The following C16orf90 variants were observed in gnomAD, a reference collection of about 807,000 sequenced individuals.
The protein encoded by C16orf90 is uncharacterized protein C16orf90.
Under a neutral mutation model 17.1 loss-of-function variants are expected in C16orf90, and 17 were observed. The ratio of observed to expected loss-of-function variants is 1.00; its 90% confidence interval spans 0.68 to 1.49. The LOEUF (loss-of-function observed/expected upper bound fraction) is 1.49, where lower values mean the gene tolerates loss of function less well. C16orf90 is among the 40% of genes most tolerant of loss of function. C16orf90 has a pLI of 0.00. For synonymous variants in C16orf90, 108 were observed against 95.8 expected, an observed-to-expected ratio of 1.13 and a Z score of -0.75; for missense variants, 255 against 235.5, an observed-to-expected ratio of 1.08 and a Z score of -0.54.
upstream of C16orf90, chr16:3,496,375 C>G (rs1261351837): frequency 3.3e-6 from 4 of 1,204,462 alleles, no homozygotes; most frequent in Non-Finnish European, 4.8e-6. Flanking sequence ...GTCGCACCAA[C>G]CGGCCACCTC....
chr16:3,495,020 T>C (rs1203990823), intron 1 of C16orf90, 143 bp from the exon 2 acceptor site: 4 of 672,826 alleles, frequency 5.9e-6, no homozygotes, highest in Non-Finnish European at 7.4e-6. Flanking sequence ...GTGTGTCAAA[T>C]AGTCTCAGTC....
rs781040809 is a variant in C16orf90 at position 3,493,795 on chromosome 16, G to A, written c.*44C>T. 32 of 1,543,178 alleles carry A rather than the reference G, an allele frequency of 2.1e-5. No homozygotes were observed. The highest frequency in any genetic ancestry group is 4.1e-5 in the African/African-American group (3 of 73,086). On this transcript the variant is annotated 3_prime_UTR_variant, in exon 3 of 3. Coordinates refer to ENST00000437192, the MANE Select transcript of C16orf90 (RefSeq NM_001080524.2). ...CCCCTCCTGCTCAGGCTGCCTCCTCGGCCATCCTGCCCCTCCTGTACCCAG... is the reference window on the plus strand; with the variant it reads ...CCCCTCCTGCTCAGGCTGCCTCCTCAGCCATCCTGCCCCTCCTGTACCCAG...
rs934020280 is a variant in C16orf90, at chr16:3,493,772, C to T, written c.*67G>A. The stretch of plus-strand genomic sequence containing the variant: ...CAGGGCCACTGCCGGGGGCCGAGCC[C>T]CTCCTGCTCAGGCTGCCTCCTCGGC... On this transcript the variant is annotated 3_prime_UTR_variant, in exon 3 of 3. Coordinates refer to ENST00000437192, the MANE Select transcript of C16orf90 (RefSeq NM_001080524.2). The T allele has an allele frequency of 1.3e-6, 2 of 1,497,002 alleles. No individual in the cohort carries two copies. The highest frequency in any genetic ancestry group is 2.8e-5 in the African/African-American group (2 of 71,958). 92.7% of individuals were successfully genotyped at this position (1,497,002 alleles called of 1,614,324 possible).
At position 3,493,959 on chromosome 16, in the gene C16orf90, C is replaced by G; in HGVS notation, c.429G>C (p.Lys143Asn). ...AAGGACTAGGCTGGGGGAGGGCACC[C>G]TTGTCTGGGTCCATGCTGGAACTGG... ...SASSSSMDPD[K>N]GALPQPSPSR... Residue 143 changes from lysine to asparagine, a missense_variant, in exon 3 of 3, where the codon AAG becomes AAC. Physicochemically the swap from Lys to Asn is moderately conservative, Grantham distance 94. Coordinates refer to ENST00000437192, the MANE Select transcript of C16orf90 (RefSeq NM_001080524.2). 1.2e-6 allele frequency: 2 copies of G among 1,610,316 alleles called. No homozygotes were observed. Among genetic ancestry groups the G allele is most frequent in the East Asian group, 2.2e-5 (1 of 44,788 alleles).
At chr16:3,495,233 C>T in intron 1 of C16orf90, 143 bp downstream of exon 1, 2 of 957,190 alleles carry the variant, frequency 2.1e-6, no homozygotes, top group Non-Finnish European at 3.2e-6. Flanking sequence ...GAGAAAGTGG[C>T]CAGCCCAGGG....
intron 1 of C16orf90, 100 bp from the exon 2 acceptor site, chr16:3,494,977 T>C (rs1371596535): frequency 8.6e-6 from 8 of 930,990 alleles, no homozygotes; most frequent in Non-Finnish European, 1.3e-5. Flanking sequence ...CATGATGGGC[T>C]ACACCCCCAG....
upstream of C16orf90, chr16:3,496,059 T>G: frequency 3.1e-6 from 1 of 323,860 alleles, no homozygotes; most frequent in South Asian, 2.6e-5. Flanking sequence ...GAGAATGGCG[T>G]GAACCCGGGA....
upstream of C16orf90, chr16:3,496,231 C>T (rs941221196): frequency 1.6e-6 from 1 of 619,980 alleles, no homozygotes; most frequent in African/African-American, 1.8e-5. Context: ...CAAGAAGGAC[C>T]TAAAGGTTCG....
intron 1 of C16orf90, 73 bp downstream of exon 1, chr16:3,495,303 C>A: frequency 6.6e-7 from 1 of 1,524,414 alleles, no homozygotes; most frequent in South Asian, 1.2e-5. Context: ...CCTGAGGCCA[C>A]CCCTCGGCTT....
upstream of C16orf90, chr16:3,496,219 C>T (rs1379730460): frequency 1.7e-6 from 1 of 597,172 alleles, no homozygotes; most frequent in Non-Finnish European, 3.3e-6. Flanking sequence ...TGACGTCCGC[C>T]ACAAGAAGGA....
Position 3,494,001 on chromosome 16 carries a change from A to C in C16orf90, c.401-14T>G, listed in dbSNP as rs1157887410. ...TGGAACTGGAAGCTGAGGAAAGAGGAGAGAAAGGAGTCACTTGAGGGACCC... is the reference window on the plus strand; with the variant it reads ...TGGAACTGGAAGCTGAGGAAAGAGGCGAGAAAGGAGTCACTTGAGGGACCC... On this transcript the variant is annotated splice_polypyrimidine_tract_variant and intron_variant, in intron 2 of 2. Transcript: ENST00000437192. The C allele has an allele frequency of 1.9e-6, 3 of 1,598,800 alleles. No individual in the cohort carries two copies. In the African/African-American group the frequency reaches 4.0e-5, roughly 21 times the overall value.
chr16:3,496,119 C>T (rs2037305391), upstream of C16orf90: 2 of 377,096 alleles, frequency 5.3e-6, no homozygotes, highest in East Asian at 1.4e-4. Context: ...CCAGCCTGGG[C>T]TGCAGAGCGA....
chr16:3,495,483 C>G lies in C16orf90; in HGVS notation c.-62G>C. 1 of 1,582,772 alleles carries G rather than the reference C, an allele frequency of 6.3e-7. No homozygotes were observed. Among genetic ancestry groups the G allele is most frequent in the Non-Finnish European group, 8.6e-7 (1 of 1,163,212 alleles). On this transcript the variant is annotated 5_prime_UTR_variant, in exon 1 of 3. Coordinates refer to ENST00000437192, the MANE Select transcript of C16orf90 (RefSeq NM_001080524.2). The stretch of plus-strand genomic sequence containing the variant: ...TGGGTGCAGCAGGGCCCTGCTCTCC[C>G]CTGCCTAGGGGGTACATTGGCAGGT...
At position 3,493,776 on chromosome 16, in the gene C16orf90, C is replaced by A; in HGVS notation, c.*63G>T. 6.6e-7 allele frequency: 1 copy of A among 1,510,166 alleles called. No individual in the cohort carries two copies. Among genetic ancestry groups the A allele is most frequent in the Non-Finnish European group, 8.9e-7 (1 of 1,119,340 alleles). 93.5% of individuals were successfully genotyped at this position (1,510,166 alleles called of 1,614,324 possible). ...GCCACTGCCGGGGGCCGAGCCCCTC[C>A]TGCTCAGGCTGCCTCCTCGGCCATC... On this transcript the variant is annotated 3_prime_UTR_variant, in exon 3 of 3. Coordinates refer to ENST00000437192, the MANE Select transcript of C16orf90 (RefSeq NM_001080524.2).
At chr16:3,496,563 T>G, upstream of C16orf90, 1 of 543,576 alleles carries the variant, frequency 1.8e-6, no homozygotes, top group East Asian at 4.9e-5. Flanking sequence ...GGGGCCAAGA[T>G]CCTGACTTTC....
chr16:3,494,875 C>T lies in C16orf90; in HGVS notation c.49G>A (p.Ala17Thr). 1 of 1,514,962 alleles carries T rather than the reference C, an allele frequency of 6.6e-7. No individual in the cohort carries two copies. 93.8% of individuals were successfully genotyped at this position (1,514,962 alleles called of 1,614,324 possible). ...GGGCGTCCTTGGGCCTGGCTCACTGCATCTGCAGAGGAGACAGCGGGAGGG... is the reference window on the plus strand; with the variant it reads ...GGGCGTCCTTGGGCCTGGCTCACTGTATCTGCAGAGGAGACAGCGGGAGGG... ...AFSELHIRED[A>T]VSQAQGRPGH... The change falls in exon 2 of 3, where the codon GCA becomes ACA. Residue 17 changes from alanine (A) to threonine (T), a missense_variant and splice_region_variant. Physicochemically the swap from Ala to Thr is moderately conservative, Grantham distance 58. Coordinates refer to ENST00000437192, the MANE Select transcript of C16orf90 (RefSeq NM_001080524.2).
chr16:3,494,793 G>A lies in C16orf90; in HGVS notation c.131C>T (p.Pro44Leu), dbSNP rs373862033. The stretch of plus-strand genomic sequence containing the variant: ...GCTTCCCTGGGCACTGGGGCACTGC[G>A]GCTGCGGGGACCCCAGGCCCCCCTC... ...IYEGGLGSPQ[P>L]QCPSAQGSKP... The change falls in exon 2 of 3, where the codon CCG becomes CTG. Residue 44 changes from proline to leucine, a missense_variant. Transcript: ENST00000437192. 94 of 1,586,358 alleles carry A rather than the reference G, an allele frequency of 5.9e-5. No homozygotes were observed. The highest frequency in any genetic ancestry group is 1.7e-4 in the Middle Eastern group (1 of 5,950).
chr16:3,495,994 A>G (rs550846714), upstream of C16orf90, among the ~76,000 whole-genome samples: 3 of 152,120 alleles, frequency 2.0e-5, no homozygotes, highest in East Asian at 5.8e-4. Context: ...CAAAAAAATT[A>G]GCCGGGCGTC....
At chr16:3,494,907 C>G (rs926312841) in intron 1 of C16orf90, 30 bp from the exon 2 acceptor site, 2 of 1,450,076 alleles carry the variant, frequency 1.4e-6, no homozygotes, top group African/African-American at 1.4e-5. Flanking sequence ...AGGGTGGTGG[C>G]CAGCCCCCCA....
Sources: gnomAD v4.1 joint callset for allele counts (sites outside exome capture counted in the v4.1 genomes callset) on GRCh38, gnomAD v4.1.1 for gene constraint, MANE v1.5 for transcripts, NCBI Gene and HGNC (gene_info 2026-07-23, HGNC 2026-07-21) for gene names.